Variants in RABGAP1L observed in about 807,000 individuals in gnomAD.
The protein encoded by RABGAP1L is RAB GTPase activating protein 1 like, also known as rab GTPase-activating protein 1-like.
Under a neutral mutation model 137.7 loss-of-function variants are expected in RABGAP1L, and 63 were observed. The ratio of observed to expected loss-of-function variants is 0.46; its 90% CI spans 0.37 to 0.56. The LOEUF (loss-of-function observed/expected upper bound fraction) is 0.56, where lower values mean the gene tolerates loss of function less well. Ranked by LOEUF, RABGAP1L falls within the 20% of genes least tolerant of loss-of-function variation. RABGAP1L has a pLI of 0.00. For synonymous variants in RABGAP1L, 431 were observed against 433.7 expected, an observed-to-expected ratio of 0.99 and a Z score of 0.08; for missense variants, 1,095 against 1,244.0, an observed-to-expected ratio of 0.88 and a Z score of 1.80.
intron 3 of RABGAP1L, among the ~76,000 whole-genome samples, chr1:174,227,920 C>A (rs1435313939): frequency 7.0e-6 from 1 of 143,424 alleles, no homozygotes; most frequent in African/African-American, 2.6e-5. Context: ...AGGTCTTTTT[C>A]TCATATTTAA....
chr1:174,316,729 TC>T (rs1679408931), intron 11 of RABGAP1L, among the ~76,000 whole-genome samples: 1 of 152,172 alleles, frequency 6.6e-6, no homozygotes. Flanking sequence ...CCTGTGTCCT[TC>T]CCTTTAGGGT....
At chr1:174,181,578 C>G (rs990119351) in intron 1 of RABGAP1L, among the ~76,000 whole-genome samples, 3 of 152,122 alleles carry the variant, frequency 2.0e-5, no homozygotes, top group Non-Finnish European at 4.4e-5. Context: ...ACCTCGTGAT[C>G]TGCCCACCTC....
At chr1:174,284,686 C>CA (rs1368043394) in intron 10 of RABGAP1L, among the ~76,000 whole-genome samples, 5 of 149,886 alleles carry the variant, frequency 3.3e-5, no homozygotes, top group Admixed American at 3.3e-4. Flanking sequence ...ACATTCCTAC[C>CA]ATCAGTGTGC....
chr1:174,895,553 G>A (rs561330331), intron 19 of RABGAP1L, among the ~76,000 whole-genome samples: 9 of 151,560 alleles, frequency 5.9e-5, no homozygotes, highest in South Asian at 2.1e-4. Flanking sequence ...TTAACTTGTC[G>A]TTTACATTAG....
rs115202398 is a variant in RABGAP1L, at chr1:174,295,844, G to T, written c.1324-9142G>T. Among the ~76,000 whole-genome samples, 1,054 of 152,204 alleles carry T rather than the reference G, an allele frequency of 6.9e-3. 14 individuals carry two copies. The highest frequency in any genetic ancestry group is 0.024 in the African/African-American group (987 of 41,508). On this transcript the variant is annotated intron_variant, in intron 10 of 25. Coordinates refer to ENST00000681986, the MANE Select transcript of RABGAP1L (RefSeq NM_001366446.1). ...TGATAATGTTGAATTTATTGTTCCT[G>T]TGTGACTCCCAGGTAGAGATGTTTA...
intron 17 of RABGAP1L, among the ~76,000 whole-genome samples, chr1:174,740,707 T>C (rs1683322585): frequency 6.6e-6 from 1 of 152,190 alleles, no homozygotes; most frequent in Admixed American, 6.5e-5. Context: ...ACAGTGTATA[T>C]GAGTTCCCTT....
At chr1:174,964,464 C>T (rs922542866) in intron 20 of RABGAP1L, among the ~76,000 whole-genome samples, 1 of 152,160 alleles carries the variant, frequency 6.6e-6, no homozygotes, top group African/African-American at 2.4e-5. Context: ...ACCGCTTCAC[C>T]CAGACTTCAG....
At chr1:174,649,830 TCTC>T (rs1194867933) in intron 14 of RABGAP1L, among the ~76,000 whole-genome samples, 2 of 152,134 alleles carry the variant, frequency 1.3e-5, no homozygotes, top group Non-Finnish European at 2.9e-5. Context: ...TTTATTTCCT[TCTC>T]CTGCCTGATT....
At position 174,210,881 on chromosome 1, in the gene RABGAP1L, C is replaced by T. The variant is rs116568809; in HGVS notation, c.-33-8244C>T. Among the ~76,000 whole-genome samples, 1,447 of 152,200 alleles carry T rather than the reference C, an allele frequency of 9.5e-3. 24 individuals are homozygous for T. The highest frequency in any genetic ancestry group is 0.033 in the African/African-American group (1,389 of 41,542). On this transcript the variant is annotated intron_variant, in intron 1 of 25. Transcript: ENST00000681986. ...AAGAAACAAATAACATATAATGGAG[C>T]TCCATTGTGTCAGACTTTTCAGTGG...
At chr1:174,932,570 C>T (rs1226457860) in intron 19 of RABGAP1L, among the ~76,000 whole-genome samples, 1 of 152,090 alleles carries the variant, frequency 6.6e-6, no homozygotes, top group Non-Finnish European at 1.5e-5. Flanking sequence ...GATCATTTGA[C>T]CAAGGTGATT....
chr1:174,625,235 C>G (rs1308456041), intron 13 of RABGAP1L, among the ~76,000 whole-genome samples: 1 of 152,094 alleles, frequency 6.6e-6, no homozygotes, highest in Non-Finnish European at 1.5e-5. Flanking sequence ...TAATGTCTTT[C>G]TTCCCTACTA....
chr1:174,239,660 G>C (rs1053179277), intron 4 of RABGAP1L, among the ~76,000 whole-genome samples: 1 of 151,874 alleles, frequency 6.6e-6, no homozygotes, highest in African/African-American at 2.4e-5. Flanking sequence ...TTATAAGCTT[G>C]TGAGAATAGT....
At chr1:174,281,195 C>T (rs997567652) in intron 10 of RABGAP1L, among the ~76,000 whole-genome samples, 4 of 152,114 alleles carry the variant, frequency 2.6e-5, no homozygotes, top group Non-Finnish European at 4.4e-5. Flanking sequence ...AGGACCCGAG[C>T]GGGTTGCTGC....
chr1:174,617,626 A>T (rs1362013087), intron 13 of RABGAP1L, among the ~76,000 whole-genome samples: 1 of 152,236 alleles, frequency 6.6e-6, no homozygotes, highest in Non-Finnish European at 1.5e-5. Context: ...ATACAATGGC[A>T]ATTATATAAC....
intron 18 of RABGAP1L, among the ~76,000 whole-genome samples, chr1:174,757,539 T>G (rs1180751127): frequency 6.7e-6 from 1 of 148,202 alleles, no homozygotes; most frequent in East Asian, 1.9e-4. Context: ...TATAAATATA[T>G]AAATTTATTT....
intron 18 of RABGAP1L, among the ~76,000 whole-genome samples, chr1:174,778,611 T>C (rs1270057108): frequency 1.3e-5 from 2 of 152,134 alleles, no homozygotes; most frequent in Non-Finnish European, 2.9e-5. Flanking sequence ...CATTTTTTTT[T>C]TAAGTCAGAG....
intron 6 of RABGAP1L, among the ~76,000 whole-genome samples, chr1:174,251,002 C>T (rs547079810): frequency 7.2e-5 from 11 of 152,274 alleles, no homozygotes; most frequent in East Asian, 3.9e-4. Flanking sequence ...GGTTTCACCC[C>T]GTTGGCCAGG....
Position 174,851,921 on chromosome 1 carries a change from T to A in RABGAP1L, c.2340+39961T>A, listed in dbSNP as rs146379101. 1.4e-3 allele frequency among the ~76,000 whole-genome samples: 211 copies of A among 152,304 alleles called. 2 individuals are homozygous for A. Among genetic ancestry groups the A allele is most frequent in the Non-Finnish European group, 2.4e-3 (163 of 68,010 alleles). On this transcript the variant is annotated intron_variant, in intron 19 of 25. Coordinates refer to ENST00000681986, the MANE Select transcript of RABGAP1L (RefSeq NM_001366446.1). ...GTCATGAGAGAAATTTCTGATATGATAGTGCAATCAAGTAACACTGGAATT... is the reference window on the plus strand; with the variant it reads ...GTCATGAGAGAAATTTCTGATATGAAAGTGCAATCAAGTAACACTGGAATT...
chr1:174,305,135 G>T lies in RABGAP1L; in HGVS notation c.1465+8G>T. Reference sequence around the variant, plus strand: ...ATGATGAAGCAGAAGAGGGTAAGAAGTTGGACTTACTCAGTTTATTCTGTC... The same window carrying T: ...ATGATGAAGCAGAAGAGGGTAAGAATTTGGACTTACTCAGTTTATTCTGTC... On this transcript the variant is annotated splice_region_variant and intron_variant, in intron 11 of 25. Transcript: ENST00000681986. 6.6e-7 allele frequency: 1 copy of T among 1,521,848 alleles called. No individual in the cohort carries two copies. The highest frequency in any genetic ancestry group is 1.3e-5 in the South Asian group (1 of 74,450). The allele number at this position is 1,521,848 out of a possible 1,614,324, so 94.3% of individuals were successfully genotyped here.
Sources: allele counts gnomAD v4.1 joint callset (sites outside exome capture counted in the v4.1 genomes callset), GRCh38; gene constraint gnomAD v4.1.1; transcripts MANE v1.5; gene names NCBI Gene and HGNC (gene_info 2026-07-23, HGNC 2026-07-21).